Variants in GRM7 observed in about 807,000 individuals in gnomAD.
GRM7 encodes the protein glutamate metabotropic receptor 7.
A neutral mutation model predicts 84.5 loss-of-function variants in GRM7; 35 were observed. That is an observed-to-expected ratio of 0.41 (90% confidence interval 0.32 to 0.55). The LOEUF is 0.55. Among genes scored for constraint, GRM7 ranks in the 20% least tolerant of loss-of-function variants. GRM7 has a pLI of 0.19. For synonymous variants in GRM7, 487 were observed against 455.1 expected (o/e 1.07, Z -0.89); for missense variants, 1,003 against 1,194.6 (o/e 0.84, Z 2.36).
intron 1 of GRM7, among the ~76,000 whole-genome samples, chr3:6,964,807 C>A (rs1335980756): frequency 1.3e-5 from 2 of 152,136 alleles, no homozygotes; most frequent in Non-Finnish European, 2.9e-5. Context: ...TACCAGCTGC[C>A]CCTCCAGATT....
intron 1 of GRM7, among the ~76,000 whole-genome samples, chr3:7,109,053 G>T (rs1345692322): frequency 6.6e-6 from 1 of 152,000 alleles, no homozygotes; most frequent in East Asian, 1.9e-4. Flanking sequence ...TGAGTAAATA[G>T]AATCCTCAGG....
intron 1 of GRM7, among the ~76,000 whole-genome samples, chr3:7,145,635 G>T (rs937743891): frequency 9.2e-5 from 14 of 152,034 alleles, no homozygotes; most frequent in African/African-American, 2.9e-4. Context: ...TTTTCAAGGG[G>T]CCTGTGGAGT....
intron 7 of GRM7, among the ~76,000 whole-genome samples, chr3:7,502,568 T>A (rs1699916070): frequency 6.6e-6 from 1 of 152,104 alleles, no homozygotes; most frequent in South Asian, 2.1e-4. Context: ...AAATGTTAAT[T>A]CTCGTGTGTG....
At chr3:7,145,528 T>G (rs1694080372) in intron 1 of GRM7, among the ~76,000 whole-genome samples, 1 of 152,136 alleles carries the variant, frequency 6.6e-6, no homozygotes, top group Non-Finnish European at 1.5e-5. Context: ...ATAATTTAAT[T>G]TAGCAAAGTA....
At chr3:7,273,481 T>G (rs772674407) in intron 2 of GRM7, among the ~76,000 whole-genome samples, 1 of 152,140 alleles carries the variant, frequency 6.6e-6, no homozygotes, top group Non-Finnish European at 1.5e-5. Flanking sequence ...ATTGGGAATT[T>G]ACCTATCTCT....
chr3:7,209,426 A>G (rs562773531), intron 2 of GRM7, among the ~76,000 whole-genome samples: 1 of 152,200 alleles, frequency 6.6e-6, no homozygotes. Flanking sequence ...ATGAATAAGG[A>G]CATAAGAGAA....
intron 5 of GRM7, among the ~76,000 whole-genome samples, chr3:7,415,365 T>C (rs962223676): frequency 6.6e-6 from 1 of 152,172 alleles, no homozygotes; most frequent in Non-Finnish European, 1.5e-5. Flanking sequence ...TTTCTGCCTA[T>C]CTAGCAGTAA....
chr3:7,052,224 A>G (rs1356685074), intron 1 of GRM7, among the ~76,000 whole-genome samples: 2 of 151,694 alleles, frequency 1.3e-5, no homozygotes, highest in African/African-American at 2.4e-5. Flanking sequence ...TAAAGATTCC[A>G]TGCTGGTAAA....
intron 8 of GRM7, among the ~76,000 whole-genome samples, chr3:7,598,278 TTGGACACA>T (rs1696145548): frequency 6.6e-6 from 1 of 152,236 alleles, no homozygotes; most frequent in Non-Finnish European, 1.5e-5. Flanking sequence ...GCTGTGCTAT[TTGGACACA>T]TGTCCTTTGC....
At chr3:7,228,426 C>T (rs979327412) in intron 2 of GRM7, among the ~76,000 whole-genome samples, 1 of 152,094 alleles carries the variant, frequency 6.6e-6, no homozygotes, top group Non-Finnish European at 1.5e-5. Context: ...GGTGGAGAAA[C>T]AGGATTCAGG....
At chr3:7,107,327 T>A (rs1231203038) in intron 1 of GRM7, among the ~76,000 whole-genome samples, 1 of 152,034 alleles carries the variant, frequency 6.6e-6, no homozygotes, top group African/African-American at 2.4e-5. Flanking sequence ...GAGTGGATAT[T>A]TATGTAATAC....
intron 4 of GRM7, among the ~76,000 whole-genome samples, chr3:7,310,051 A>T (rs560911729): frequency 6.6e-6 from 1 of 152,242 alleles, no homozygotes; most frequent in South Asian, 2.1e-4. Context: ...GCAGAGTACT[A>T]ATGGCCTACG....
At chr3:6,956,753 A>T in intron 1 of GRM7, 1 of 415,980 alleles carries the variant, frequency 2.4e-6, no homozygotes, top group South Asian at 1.8e-5. Flanking sequence ...TGTCTCTTAT[A>T]TATCTTTAGA....
At chr3:7,496,780 T>A (rs1015683256) in intron 7 of GRM7, among the ~76,000 whole-genome samples, 1 of 151,550 alleles carries the variant, frequency 6.6e-6, no homozygotes, top group Admixed American at 6.6e-5. Flanking sequence ...ATTATAGATA[T>A]AAAAATATAT....
At chr3:7,263,664 G>A (rs569297011) in intron 2 of GRM7, among the ~76,000 whole-genome samples, 61 of 152,310 alleles carry the variant, frequency 4.0e-4, no homozygotes, top group Non-Finnish European at 7.9e-4. Context: ...GTGGGTGGTA[G>A]TGGCTACTCA....
At chr3:7,691,794 G>A (rs1700809897) in intron 9 of GRM7, among the ~76,000 whole-genome samples, 1 of 152,060 alleles carries the variant, frequency 6.6e-6, no homozygotes, top group Admixed American at 6.6e-5. Context: ...CCGAGTAGCT[G>A]GGATTACAGG....
chr3:7,692,968 T>C (rs1559491168), intron 9 of GRM7, among the ~76,000 whole-genome samples: 1 of 151,530 alleles, frequency 6.6e-6, no homozygotes, highest in Non-Finnish European at 1.5e-5. Context: ...GATGCATCTT[T>C]CTTTCTTTCT....
At chr3:6,864,283 A>T (rs955861430) in intron 1 of GRM7, among the ~76,000 whole-genome samples, 8 of 152,160 alleles carry the variant, frequency 5.3e-5, no homozygotes, top group Non-Finnish European at 5.9e-5. Flanking sequence ...AGCTAGATAA[A>T]ACAGTTGGTT....
intron 7 of GRM7, among the ~76,000 whole-genome samples, chr3:7,540,142 T>C (rs1390463234): frequency 6.6e-6 from 1 of 152,220 alleles, no homozygotes; most frequent in East Asian, 1.9e-4. Flanking sequence ...GAATGCCACA[T>C]TGAACGGTTG....
Sources: allele counts gnomAD v4.1 joint callset (sites outside exome capture counted in the v4.1 genomes callset), GRCh38; gene constraint gnomAD v4.1.1; transcripts MANE v1.5; gene names NCBI Gene and HGNC (gene_info 2026-07-23, HGNC 2026-07-21).